Variants in ADD2 observed in about 807,000 individuals in gnomAD.
The protein encoded by ADD2 is adducin 2.
A neutral mutation model predicts 83.0 loss-of-function variants in ADD2; 23 were observed. That is an observed-to-expected ratio of 0.28 (90% CI 0.20 to 0.39). The LOEUF (loss-of-function observed/expected upper bound fraction) is 0.39. ADD2 is among the 10% of genes least tolerant of loss of function. ADD2 has a pLI of 1.00. For synonymous variants in ADD2, 375 were observed against 375.4 expected (o/e 1.00, Z 0.01); for missense variants, 758 against 944.9 (o/e 0.80, Z 2.59).
At position 70,768,076 on chromosome 2, in the gene ADD2, G is replaced by A. The variant is rs1553386536; in HGVS notation, c.-344C>T. The A allele has an allele frequency of 8.1e-7, 1 of 1,230,504 alleles. No individual in the cohort carries two copies. Among genetic ancestry groups the A allele is most frequent in the Non-Finnish European group, 1.1e-6 (1 of 908,130 alleles). The allele number at this position is 1,230,504 out of a possible 1,614,324, so 76.2% of individuals were successfully genotyped here. ...CCCCCAGCAGTGCAGCGGCTCCGCG[G>A]CGGCGGGGATGACTGGCCACCGACG... is the stretch of plus-strand genomic sequence containing the variant. On this transcript the variant is annotated 5_prime_UTR_variant, in exon 1 of 16. Transcript: ENST00000264436.
chr2:70,663,858 C>G, intron 15 of ADD2, 123 bp from the exon 16 acceptor site: 1 of 1,073,520 alleles, frequency 9.3e-7, no homozygotes, highest in African/African-American at 1.6e-5. Context: ...GGAGGGCCAG[C>G]CTGATGTTGA....
rs1265283460 is a variant in ADD2 at position 70,661,187 on chromosome 2, T to C, written c.*2238A>G. On this transcript the variant is annotated 3_prime_UTR_variant, in exon 16 of 16. Coordinates refer to ENST00000264436, the MANE Select transcript of ADD2 (RefSeq NM_001617.4). ...AACATCACCCCCGAAGTAGAACAAC[T>C]CGCACACAAAAGGCTGCATCAGAGG... is the stretch of plus-strand genomic sequence containing the variant. The C allele has an allele frequency of 6.6e-6, 1 of 152,116 alleles. No homozygotes were observed. The highest frequency in any genetic ancestry group is 2.4e-5 in the African/African-American group (1 of 41,398). The allele number at this position is 152,116 out of a possible 1,614,324, so 9.4% of individuals were successfully genotyped here. A position where few individuals can be genotyped will look rare whatever the true frequency, so the allele number is the denominator to read the frequency against.
At chr2:70,737,152 C>T (rs3961452) in intron 1 of ADD2, among the ~76,000 whole-genome samples, 51,705 of 151,456 alleles carry the variant, frequency 0.34, 8,888 homozygotes, top group Middle Eastern at 0.41. Flanking sequence ...TCAACCATTG[C>T]GGAAGACAGT....
At position 70,704,479 on chromosome 2, in the gene ADD2, G is replaced by C. The variant is rs886692782; in HGVS notation, c.184-20C>G. 6 of 1,613,002 alleles carry C rather than the reference G, an allele frequency of 3.7e-6. No individual in the cohort carries two copies. Among genetic ancestry groups the C allele is most frequent in the Admixed American group, 1.7e-5 (1 of 59,964 alleles). On this transcript the variant is annotated intron_variant, in intron 3 of 15. Coordinates refer to ENST00000264436, the MANE Select transcript of ADD2 (RefSeq NM_001617.4). ...GAAAGACTGAAGCAGGCCCCGAGGT[G>C]CTTGTCCCCCCACAGCCTCTCACAC... is the stretch of plus-strand genomic sequence containing the variant.
intron 4 of ADD2, among the ~76,000 whole-genome samples, chr2:70,703,034 G>C (rs1671681951): frequency 6.6e-6 from 1 of 152,134 alleles, no homozygotes; most frequent in African/African-American, 2.4e-5. Flanking sequence ...GCTGAAGTGG[G>C]AGGATTGCTT....
At chr2:70,747,007 A>ATTT (rs34113265) in intron 1 of ADD2, among the ~76,000 whole-genome samples, 27,467 of 121,002 alleles carry the variant, frequency 0.23, 3,637 homozygotes, top group Middle Eastern at 0.3. Flanking sequence ...TCCAATATGG[A>ATTT]TTTTTTTTTT....
intron 13 of ADD2, chr2:70,675,498 C>A: frequency 1.0e-6 from 1 of 985,480 alleles, no homozygotes; most frequent in Non-Finnish European, 1.2e-6. Flanking sequence ...AGCTGACCAG[C>A]CGGCCCTTAC....
At chr2:70,709,949 C>A (rs1354182655) in intron 2 of ADD2, among the ~76,000 whole-genome samples, 2 of 152,218 alleles carry the variant, frequency 1.3e-5, no homozygotes, top group Non-Finnish European at 2.9e-5. Context: ...ATCAGAGCCA[C>A]ACAGACATGT....
chr2:70,677,641 T>C, intron 12 of ADD2, 117 bp downstream of exon 12: 2 of 1,334,364 alleles, frequency 1.5e-6, no homozygotes, highest in Non-Finnish European at 2.1e-6. Context: ...CTCTCTCCTG[T>C]GAGGCATGTG....
intron 1 of ADD2, among the ~76,000 whole-genome samples, chr2:70,730,200 T>G (rs1553379019): frequency 1.3e-5 from 2 of 152,180 alleles, no homozygotes; most frequent in Non-Finnish European, 2.9e-5. Flanking sequence ...ATGCTATACA[T>G]GAGATATCTC....
Position 70,687,625 on chromosome 2 carries a change from CAA to C in ADD2, c.948+397_948+398del, listed in dbSNP as rs577459972. ...ACAAACAAACAAACAAACAAACAAA[CAA>C]ACAAACACCTACCTGTGTGTCTGTT... On this transcript the variant is annotated intron_variant, in intron 9 of 15. Transcript: ENST00000264436. Among the ~76,000 whole-genome samples the C allele has an allele frequency of 9.5e-3, 1,439 of 151,796 alleles. 28 individuals carry two copies. Among genetic ancestry groups the C allele is most frequent in the Admixed American group, 0.044 (677 of 15,254 alleles).
intron 15 of ADD2, among the ~76,000 whole-genome samples, chr2:70,669,999 C>T (rs1669835562): frequency 6.6e-6 from 1 of 152,160 alleles, no homozygotes; most frequent in Non-Finnish European, 1.5e-5. Flanking sequence ...TAGTCAAGCT[C>T]CCTACTGACT....
chr2:70,708,612 TA>T (rs1205803605), intron 2 of ADD2, among the ~76,000 whole-genome samples: 104 of 152,294 alleles, frequency 6.8e-4, no homozygotes, highest in Non-Finnish European at 1.0e-4. Context: ...CCAAGTCCCA[TA>T]GCTGTCTAGG....
chr2:70,697,717 A>G (rs1351679037), intron 4 of ADD2, among the ~76,000 whole-genome samples: 1 of 152,088 alleles, frequency 6.6e-6, no homozygotes, highest in Non-Finnish European at 1.5e-5. Flanking sequence ...GGAAGTGATG[A>G]CGTGGTCTAC....
intron 1 of ADD2, among the ~76,000 whole-genome samples, chr2:70,735,413 T>G (rs1427195637): frequency 1.3e-5 from 2 of 152,132 alleles, no homozygotes; most frequent in Non-Finnish European, 2.9e-5. Context: ...ATTTAAAGTA[T>G]CTCAAGTTTT....
chr2:70,734,513 G>A (rs928397716), intron 1 of ADD2, among the ~76,000 whole-genome samples: 1 of 152,184 alleles, frequency 6.6e-6, no homozygotes, highest in African/African-American at 2.4e-5. Context: ...ACTTAGGGGA[G>A]TTAGGGGTAG....
Position 70,764,947 on chromosome 2 carries a change from T to C in ADD2, c.-154+2939A>G, listed in dbSNP as rs141111601. 1.1e-4 allele frequency among the ~76,000 whole-genome samples: 16 copies of C among 152,158 alleles called. No individual in the cohort carries two copies. The East Asian group carries it at 2.9e-3, about 27-fold the overall frequency. On this transcript the variant is annotated intron_variant, in intron 1 of 15. Transcript: ENST00000264436. Reference sequence around the variant, plus strand: ...TATCATTAGCTCATGCTGAGGGCCATTGTGAAAAACAACCCTATGAAACTT... The same window carrying C: ...TATCATTAGCTCATGCTGAGGGCCACTGTGAAAAACAACCCTATGAAACTT...
At chr2:70,763,187 T>C (rs1180274591) in intron 1 of ADD2, among the ~76,000 whole-genome samples, 2 of 152,018 alleles carry the variant, frequency 1.3e-5, no homozygotes, top group Non-Finnish European at 1.5e-5. Flanking sequence ...TTGGCAAAGC[T>C]TTCCTATGTA....
chr2:70,754,067 G>C (rs943790838), intron 1 of ADD2, among the ~76,000 whole-genome samples: 3 of 152,122 alleles, frequency 2.0e-5, no homozygotes, highest in Non-Finnish European at 2.9e-5. Context: ...GGTGAGGCAG[G>C]AATTAATGAC....
Sources: gnomAD v4.1 joint callset for allele counts (sites outside exome capture counted in the v4.1 genomes callset) on GRCh38, gnomAD v4.1.1 for gene constraint, MANE v1.5 for transcripts, NCBI Gene and HGNC (gene_info 2026-07-23, HGNC 2026-07-21) for gene names.